The following AGBL1 variants were observed in gnomAD, a reference collection of about 807,000 sequenced individuals.
The protein encoded by AGBL1 is cytosolic carboxypeptidase 4.
Under a neutral mutation model 118.9 loss-of-function variants are expected in AGBL1, and 130 were observed. That is an observed-to-expected ratio of 1.09 (90% confidence interval 0.95 to 1.26). The LOEUF is 1.26. Among genes scored for constraint, AGBL1 ranks in the 50% most tolerant of loss-of-function variants. The probability of loss-of-function intolerance (pLI) is 0.00; values close to 1 mark genes in which losing one functional copy is unlikely to be tolerated. For synonymous variants in AGBL1, 555 were observed against 478.9 expected (o/e 1.16, Z -2.08); for missense variants, 1,584 against 1,298.1 (o/e 1.22, Z -3.38).
At chr15:86,617,956 C>A (rs1165531169) in intron 21 of AGBL1, among the ~76,000 whole-genome samples, 1 of 152,120 alleles carries the variant, frequency 6.6e-6, no homozygotes, top group African/African-American at 2.4e-5. Context: ...TAATTGAGGA[C>A]TTCCTATGGG....
chr15:86,855,032 T>C (rs2079458868), intron 22 of AGBL1, among the ~76,000 whole-genome samples: 1 of 152,096 alleles, frequency 6.6e-6, no homozygotes, highest in African/African-American at 2.4e-5. Flanking sequence ...TGTCTTCTGC[T>C]CAAAGGTTAA....
At chr15:86,879,765 C>T (rs1159408239) in intron 22 of AGBL1, among the ~76,000 whole-genome samples, 3 of 152,108 alleles carry the variant, frequency 2.0e-5, no homozygotes, top group East Asian at 1.9e-4. Flanking sequence ...TATTTAGCTC[C>T]GCTGCATGTT....
chr15:86,303,348 G>A (rs986612602), intron 17 of AGBL1, among the ~76,000 whole-genome samples: 1 of 152,088 alleles, frequency 6.6e-6, no homozygotes, highest in African/African-American at 2.4e-5. Context: ...TAGGGAAATG[G>A]GAGGGAGGGG....
intron 5 of AGBL1, among the ~76,000 whole-genome samples, chr15:86,164,081 A>G (rs917277206): frequency 3.3e-5 from 5 of 152,234 alleles, no homozygotes; most frequent in Admixed American, 6.5e-5. Flanking sequence ...GGAAGAAAAA[A>G]GTTCAGAGTC....
Position 86,270,061 on chromosome 15 carries a change from A to C in AGBL1, c.1981A>C (p.Asn661His). Residue 661 changes from asparagine to histidine, a missense_variant, in exon 14 of 23, where the codon AAT (asparagine) becomes CAT (histidine). Coordinates refer to ENST00000614907, the MANE Select transcript of AGBL1 (RefSeq NM_001386094.1). ...INCEKPNSQFNYGMQPTLYSV... is the reference protein window; with the variant it reads ...INCEKPNSQFHYGMQPTLYSV... ...CTGTGAGAAGCCCAACAGCCAGTTT[A>C]ATTATGGTATGAACGCTTGGGGAGC... 6.2e-7 allele frequency: 1 copy of C among 1,611,428 alleles called. No homozygotes were observed.
At chr15:86,104,745 G>T (rs1038405861) in intron 1 of AGBL1, among the ~76,000 whole-genome samples, 4 of 152,190 alleles carry the variant, frequency 2.6e-5, no homozygotes, top group Non-Finnish European at 5.9e-5. Flanking sequence ...GTCTGGTGAG[G>T]GCTGGGCTCT....
At chr15:86,227,102 A>G (rs1188376404) in intron 6 of AGBL1, among the ~76,000 whole-genome samples, 1 of 152,052 alleles carries the variant, frequency 6.6e-6, no homozygotes, top group African/African-American at 2.4e-5. Flanking sequence ...TCCCATGTGT[A>G]AAAATGGCAG....
chr15:86,674,040 A>G (rs1198747070), intron 21 of AGBL1, among the ~76,000 whole-genome samples: 1 of 152,036 alleles, frequency 6.6e-6, no homozygotes, highest in Non-Finnish European at 1.5e-5. Context: ...CTACCAGCTC[A>G]TTATTGTCAT....
At chr15:86,608,777 A>C (rs997877514) in intron 21 of AGBL1, among the ~76,000 whole-genome samples, 1 of 152,176 alleles carries the variant, frequency 6.6e-6, no homozygotes, top group Non-Finnish European at 1.5e-5. Flanking sequence ...TGATTTTTCA[A>C]GGGAAGCTGG....
chr15:86,831,690 G>A (rs1382058575), intron 22 of AGBL1, among the ~76,000 whole-genome samples: 2 of 152,180 alleles, frequency 1.3e-5, no homozygotes, highest in East Asian at 1.9e-4. Flanking sequence ...CTGCTTTCAT[G>A]GACTGGCATT....
At chr15:86,805,224 T>G (rs937349177) in intron 22 of AGBL1, among the ~76,000 whole-genome samples, 4 of 152,006 alleles carry the variant, frequency 2.6e-5, no homozygotes, top group African/African-American at 9.7e-5. Context: ...CAAAATAAAT[T>G]TTGTCTGTAA....
At chr15:86,994,578 TG>T (rs2081363692) in intron 24 of AGBL1, among the ~76,000 whole-genome samples, 2 of 152,288 alleles carry the variant, frequency 1.3e-5, no homozygotes, top group East Asian at 1.9e-4. Flanking sequence ...TCCCAGACAA[TG>T]AAAAAATGAT....
At chr15:86,850,468 T>A (rs886382329) in intron 22 of AGBL1, among the ~76,000 whole-genome samples, 1 of 152,212 alleles carries the variant, frequency 6.6e-6, no homozygotes, top group Non-Finnish European at 1.5e-5. Flanking sequence ...AAGAACCAAG[T>A]ACCCAATCGT....
chr15:86,619,155 C>T (rs1461705888), intron 21 of AGBL1, among the ~76,000 whole-genome samples: 1 of 152,052 alleles, frequency 6.6e-6, no homozygotes, highest in Non-Finnish European at 1.5e-5. Flanking sequence ...ATGAATGAGG[C>T]ACCATACTAG....
intron 19 of AGBL1, among the ~76,000 whole-genome samples, chr15:86,545,375 G>A (rs2142250669): frequency 6.6e-6 from 1 of 152,222 alleles, no homozygotes; most frequent in East Asian, 1.9e-4. Flanking sequence ...CCTTTTGAAG[G>A]ATCTTTCCTA....
intron 22 of AGBL1, among the ~76,000 whole-genome samples, chr15:86,708,490 C>G (rs1377098): frequency 2.6e-5 from 4 of 151,852 alleles, no homozygotes; most frequent in Non-Finnish European, 4.4e-5. Context: ...AGTGAGAAAA[C>G]AAATTGCTAT....
intron 21 of AGBL1, among the ~76,000 whole-genome samples, chr15:86,606,205 A>G (rs1369493933): frequency 2.0e-5 from 3 of 151,662 alleles, no homozygotes; most frequent in African/African-American, 7.3e-5. Flanking sequence ...ATCGGCTTCT[A>G]TTCTACAGAC....
chr15:86,112,914 T>G (rs1325532260), intron 1 of AGBL1, among the ~76,000 whole-genome samples: 3 of 152,260 alleles, frequency 2.0e-5, no homozygotes, highest in African/African-American at 7.2e-5. Context: ...CCTGTTTATT[T>G]CTTTTGGGTA....
intron 22 of AGBL1, among the ~76,000 whole-genome samples, chr15:86,686,211 G>T (rs1179794839): frequency 6.6e-6 from 1 of 152,100 alleles, no homozygotes; most frequent in African/African-American, 2.4e-5. Context: ...GATTGATCTA[G>T]TTTTTTTAAA....
Sources: allele counts gnomAD v4.1 joint callset (sites outside exome capture counted in the v4.1 genomes callset), GRCh38; gene constraint gnomAD v4.1.1; transcripts MANE v1.5; gene names NCBI Gene and HGNC (gene_info 2026-07-23, HGNC 2026-07-21).